ASTN2: variants seen among roughly 807,000 people sequenced by gnomAD.
The protein encoded by ASTN2 is astrotactin-2.
ASTN2 carries 54 observed loss-of-function variants against 139.8 expected under a neutral mutation model. That is an observed-to-expected ratio of 0.39 (90% CI 0.31 to 0.48). The LOEUF (loss-of-function observed/expected upper bound fraction) is 0.48. Among genes scored for constraint, ASTN2 ranks in the 20% least tolerant of loss-of-function variants. The probability of loss-of-function intolerance (pLI) is 0.95; values close to 1 mark genes in which losing one functional copy is unlikely to be tolerated. For missense variants in ASTN2, 1,565 were observed against 1,725.1 expected, an observed-to-expected ratio of 0.91 and a Z score of 1.64; for synonymous variants, 756 against 719.5, an observed-to-expected ratio of 1.05 and a Z score of -0.81.
intron 17 of ASTN2, among the ~76,000 whole-genome samples, chr9:116,627,545 T>C (rs985364188): frequency 6.6e-6 from 1 of 152,222 alleles, no homozygotes; most frequent in African/African-American, 2.4e-5. Flanking sequence ...GACAGGGTGG[T>C]AAGCACTTTA....
Position 117,110,175 on chromosome 9 carries a change from T to C in ASTN2, c.1169-14024A>G, listed in dbSNP as rs111675253. Among the ~76,000 whole-genome samples, 296 of 152,338 alleles carry C rather than the reference T, an allele frequency of 1.9e-3. 3 individuals carry two copies. Among genetic ancestry groups the C allele is most frequent in the African/African-American group, 7.0e-3 (291 of 41,576 alleles). ...ATCCAGTGCTGTCTGGATATTATTT[T>C]ATGAAATGATCATTTTCCTAAATTG... On this transcript the variant is annotated intron_variant, in intron 4 of 22. Coordinates refer to ENST00000313400, the MANE Select transcript of ASTN2 (RefSeq NM_001365068.1).
chr9:116,863,036 A>G lies in ASTN2; in HGVS notation c.2040+547T>C, dbSNP rs533464514. Among the ~76,000 whole-genome samples the G allele has an allele frequency of 5.3e-5, 8 of 151,934 alleles. No individual in the cohort carries two copies. The South Asian group carries it at 1.3e-3, about 24-fold the overall frequency. On this transcript the variant is annotated intron_variant, in intron 11 of 22. Coordinates refer to ENST00000313400, the MANE Select transcript of ASTN2 (RefSeq NM_001365068.1). ...CTAGATACTAAAATTCCAAGCAAAC[A>G]AGGCTGCCTCTCCCTTCCTTCATGT...
In ASTN2 at chr9:117,355,063, A is replaced by G. The variant is rs905970481; in HGVS notation, c.442+59434T>C. On this transcript the variant is annotated intron_variant, in intron 1 of 22. Coordinates refer to ENST00000313400, the MANE Select transcript of ASTN2 (RefSeq NM_001365068.1). ...CCCAGTGTATATTTCTTTAATATGAACACCTTATTAAAATGAACAAATTTC... is the reference window on the plus strand; with the variant it reads ...CCCAGTGTATATTTCTTTAATATGAGCACCTTATTAAAATGAACAAATTTC... Among the ~76,000 whole-genome samples the G allele has an allele frequency of 2.0e-5, 3 of 152,182 alleles. No individual in the cohort carries two copies. In the East Asian group the frequency reaches 5.8e-4, roughly 29 times the overall value.
intron 2 of ASTN2, among the ~76,000 whole-genome samples, chr9:117,262,417 A>T (rs7039150): frequency 0.24 from 35,868 of 149,722 alleles, 4,466 homozygotes; most frequent in South Asian, 0.28. Flanking sequence ...TTATTTATTT[A>T]TTTTTTATCT....
In ASTN2 at chr9:116,632,171, AG is replaced by A. The variant is rs1349356831; in HGVS notation, c.3073-11729del. On this transcript the variant is annotated intron_variant, in intron 17 of 22. Transcript: ENST00000313400. ...GAGAGAGAGAGACAGAGAGAGAGAGAGAGAGAGAGAGAGGGAGAGAGAGAGA... is the reference window on the plus strand; with the variant it reads ...GAGAGAGAGAGACAGAGAGAGAGAGAAGAGAGAGAGAGGGAGAGAGAGAGA... Among the ~76,000 whole-genome samples, 71 of 31,428 alleles carry A rather than the reference AG, an allele frequency of 2.3e-3. 5 individuals are homozygous for A. The highest frequency in any genetic ancestry group is 9.6e-3 in the African/African-American group (67 of 7,012). 20.6% of individuals were successfully genotyped at this position (31,428 alleles called of 152,430 possible).
intron 13 of ASTN2, among the ~76,000 whole-genome samples, chr9:116,799,707 G>T (rs974306928): frequency 2.5e-4 from 14 of 55,430 alleles, no homozygotes; most frequent in South Asian, 7.3e-4. Context: ...GTAAGAGAGT[G>T]GGGGGGGGGA....
At chr9:117,124,808 G>GAAAAAA (rs56107557) in intron 4 of ASTN2, among the ~76,000 whole-genome samples, 1 of 130,072 alleles carries the variant, frequency 7.7e-6, no homozygotes. Context: ...CTGCCACCAT[G>GAAAAAA]AAAAAAAAAA....
chr9:117,089,692 C>T (rs569293969), intron 5 of ASTN2, among the ~76,000 whole-genome samples: 1 of 151,608 alleles, frequency 6.6e-6, no homozygotes, highest in South Asian at 2.1e-4. Context: ...CCACCCTTCC[C>T]CCCAAGTCCC....
intron 19 of ASTN2, among the ~76,000 whole-genome samples, chr9:116,593,042 C>T (rs1434386961): frequency 1.3e-5 from 2 of 152,180 alleles, no homozygotes; most frequent in African/African-American, 4.8e-5. Flanking sequence ...TGTGGCAACA[C>T]AAATATGTTG....
intron 20 of ASTN2, among the ~76,000 whole-genome samples, chr9:116,470,494 T>G (rs1440276935): frequency 6.6e-6 from 1 of 152,208 alleles, no homozygotes; most frequent in Non-Finnish European, 1.5e-5. Flanking sequence ...TTCTTTGGGC[T>G]TTGGTTTTCT....
chr9:117,405,011 GGCCTAGAT>G, intron 1 of ASTN2, among the ~76,000 whole-genome samples: 1 of 152,268 alleles, frequency 6.6e-6, no homozygotes, highest in East Asian at 1.9e-4. Context: ...TATGAGACAA[GGCCTAGAT>G]GCTGTCTTGG....
intron 16 of ASTN2, among the ~76,000 whole-genome samples, chr9:116,673,521 G>A (rs565248978): frequency 6.2e-4 from 94 of 152,314 alleles, no homozygotes; most frequent in Middle Eastern, 6.8e-3. Context: ...TTTGCAAATG[G>A]GGTGATTTTA....
chr9:116,644,632 T>C (rs1416181302), intron 17 of ASTN2, among the ~76,000 whole-genome samples: 1 of 152,222 alleles, frequency 6.6e-6, no homozygotes, highest in African/African-American at 2.4e-5. Flanking sequence ...ATAAAGAGGT[T>C]GATTTGTAAA....
chr9:117,169,046 A>G (rs1830732008), intron 3 of ASTN2, among the ~76,000 whole-genome samples: 1 of 152,130 alleles, frequency 6.6e-6, no homozygotes, highest in Non-Finnish European at 1.5e-5. Context: ...TGAAAAACTG[A>G]GACAATTAAG....
At chr9:116,528,194 A>G (rs557305332) in intron 19 of ASTN2, among the ~76,000 whole-genome samples, 99 of 152,304 alleles carry the variant, frequency 6.5e-4, no homozygotes, top group African/African-American at 2.2e-3. Context: ...ATGCTGATGG[A>G]CAAGGAAGTC....
chr9:116,944,087 A>G (rs538064443), intron 10 of ASTN2, among the ~76,000 whole-genome samples: 1 of 152,220 alleles, frequency 6.6e-6, no homozygotes, highest in South Asian at 2.1e-4. Flanking sequence ...AGCTCGTCTC[A>G]TTTTTATAAC....
intron 5 of ASTN2, among the ~76,000 whole-genome samples, chr9:117,089,513 G>GT (rs143902003): frequency 0.5 from 75,456 of 151,208 alleles, 20,247 homozygotes; most frequent in Middle Eastern, 0.72. Flanking sequence ...TATTTTTTGT[G>GT]TTTTTTTCCC....
chr9:117,339,191 C>T (rs1195369672), intron 1 of ASTN2, among the ~76,000 whole-genome samples: 2 of 152,138 alleles, frequency 1.3e-5, no homozygotes, highest in Non-Finnish European at 2.9e-5. Context: ...ACATCTAGCC[C>T]ATGAGGCAAC....
intron 11 of ASTN2, among the ~76,000 whole-genome samples, chr9:116,858,359 G>A (rs916043990): frequency 3.4e-4 from 52 of 152,210 alleles, no homozygotes; most frequent in African/African-American, 1.2e-3. Context: ...TTACCAGATT[G>A]TCTGGTGTTG....
Sources: gnomAD v4.1 joint callset for allele counts (sites outside exome capture counted in the v4.1 genomes callset) on GRCh38, gnomAD v4.1.1 for gene constraint, MANE v1.5 for transcripts, NCBI Gene and HGNC (gene_info 2026-07-23, HGNC 2026-07-21) for gene names.